Variants in PCDHA1 observed in about 807,000 individuals in gnomAD.
PCDHA1 encodes the protein protocadherin alpha-1.
In PCDHA1, 42 loss-of-function variants were observed where a neutral mutation model predicts 61.3. The ratio of observed to expected loss-of-function variants is 0.69; its 90% CI spans 0.54 to 0.89. PCDHA1 has a LOEUF of 0.89. Among genes scored for constraint, PCDHA1 ranks in the 40% least tolerant of loss-of-function variants. The probability of loss-of-function intolerance (pLI) is 0.00; values close to 1 mark genes in which losing one functional copy is unlikely to be tolerated. For synonymous variants in PCDHA1, 610 were observed against 553.8 expected (o/e 1.10, Z -1.43); for missense variants, 1,256 against 1,235.3 (o/e 1.02, Z -0.25).
chr5:140,898,737 G>T (rs2066951107), intron 1 of PCDHA1, among the ~76,000 whole-genome samples: 1 of 152,102 alleles, frequency 6.6e-6, no homozygotes, highest in African/African-American at 2.4e-5. Flanking sequence ...AAAGTCATTG[G>T]TAGCTTGATG....
intron 1 of PCDHA1, chr5:140,801,236 C>T: frequency 1.9e-6 from 3 of 1,612,882 alleles, no homozygotes; most frequent in Non-Finnish European, 2.5e-6. Context: ...GAGCCCAGTG[C>T]CTGCTGCTTT....
chr5:140,889,893 C>A (rs1275511475), intron 1 of PCDHA1, among the ~76,000 whole-genome samples: 2 of 152,158 alleles, frequency 1.3e-5, no homozygotes, highest in Admixed American at 1.3e-4. Flanking sequence ...AGAATTCTGA[C>A]TACCTTGAGA....
chr5:140,946,508 G>A (rs1352307719), intron 1 of PCDHA1, among the ~76,000 whole-genome samples: 3 of 151,202 alleles, frequency 2.0e-5, no homozygotes, highest in Non-Finnish European at 3.0e-5. Flanking sequence ...GTATGTCAAA[G>A]ACCTATCCGC....
chr5:140,968,574 T>A (rs2096256536), intron 1 of PCDHA1: 1 of 1,614,218 alleles, frequency 6.2e-7, no homozygotes, highest in Non-Finnish European at 8.5e-7. Flanking sequence ...GCTGGCTACC[T>A]GGTCACCAAA....
chr5:140,853,667 G>A lies in PCDHA1; in HGVS notation c.2394+64983G>A, dbSNP rs965344983. 2.4e-5 allele frequency: 24 copies of A among 988,242 alleles called. 2 individuals carry two copies. The highest frequency in any genetic ancestry group is 7.1e-5 in the African/African-American group (4 of 56,544). 61.2% of individuals were successfully genotyped at this position (988,242 alleles called of 1,614,324 possible). On this transcript the variant is annotated intron_variant, in intron 1 of 3. Transcript: ENST00000504120. ...TTGAGCCTGTTCCAGACAAATTGGG[G>A]CCTATGGTCAACCTATCCTTAGACC...
In PCDHA1 at chr5:140,787,650, G is replaced by A. The variant is rs1386641737; in HGVS notation, c.1360G>A (p.Ala454Thr). 6.2e-7 allele frequency: 1 copy of A among 1,613,936 alleles called. No homozygotes were observed. The highest frequency in any genetic ancestry group is 8.5e-7 in the Non-Finnish European group (1 of 1,179,974). ...GGCCGACGTGAATGACAACGCGCCTGCGTTCGCGCAGCCCGAGTACACAGT... is the reference window on the plus strand; with the variant it reads ...GGCCGACGTGAATGACAACGCGCCTACGTTCGCGCAGCCCGAGTACACAGT... ...EVADVNDNAP[A>T]FAQPEYTVFV... The change falls in exon 1 of 4, where the codon GCG becomes ACG. Residue 454 changes from alanine (A) to threonine (T), a missense_variant. Transcript: ENST00000504120.
intron 1 of PCDHA1, chr5:140,968,218 A>C (rs1586280879): frequency 6.2e-7 from 1 of 1,614,012 alleles, no homozygotes. Flanking sequence ...ACAATTTGCC[A>C]GGTGTGTTGC....
intron 1 of PCDHA1, among the ~76,000 whole-genome samples, chr5:140,838,075 A>AGTGTGTGTGTGTGTG (rs781914509): frequency 1.6e-5 from 2 of 128,136 alleles, no homozygotes; most frequent in South Asian, 5.3e-4. Context: ...TTATATATAT[A>AGTGTGTGTGTGTGTG]TAGTGTGTGT....
At chr5:140,919,674 G>C (rs1554199207) in intron 1 of PCDHA1, among the ~76,000 whole-genome samples, 1 of 151,886 alleles carries the variant, frequency 6.6e-6, no homozygotes, top group Non-Finnish European at 1.5e-5. Context: ...TTAGCTTATT[G>C]GTATCTGCTT....
chr5:140,966,924 C>T (rs1554228895), intron 1 of PCDHA1: 2 of 1,602,624 alleles, frequency 1.2e-6, no homozygotes, highest in Admixed American at 1.7e-5. Context: ...GAGGAGCAGG[C>T]ACCCGGCGCG....
In PCDHA1 at chr5:140,843,150, A is replaced by T; in HGVS notation, c.2394+54466A>T. Reference sequence around the variant, plus strand: ...GGCTACAACGCGTGGCTTTCGTATGAGCTGCAGCCAGCTGCAAGCAGCCCT... The same window carrying T: ...GGCTACAACGCGTGGCTTTCGTATGTGCTGCAGCCAGCTGCAAGCAGCCCT... On this transcript the variant is annotated intron_variant, in intron 1 of 3. Transcript: ENST00000504120. 1.3e-6 allele frequency: 2 copies of T among 1,595,990 alleles called. 1 individual carries two copies. Among genetic ancestry groups the T allele is most frequent in the Non-Finnish European group, 1.7e-6 (2 of 1,165,576 alleles).
chr5:140,824,500 A>C, intron 1 of PCDHA1: 1 of 320,040 alleles, frequency 3.1e-6, no homozygotes, highest in Non-Finnish European at 5.7e-6. Flanking sequence ...TTTGTTGCTT[A>C]GTCTGCAGTG....
At chr5:140,801,988 T>C in intron 1 of PCDHA1, 2 of 1,614,200 alleles carry the variant, frequency 1.2e-6, no homozygotes, top group Non-Finnish European at 1.7e-6. Flanking sequence ...GTGGTGACCG[T>C]TAACGCCACC....
In PCDHA1 at chr5:140,829,912, T is replaced by C. The variant is rs145708741; in HGVS notation, c.2394+41228T>C. ...CCGACTCAGGCTACAACGCGTGGCT[T>C]TCGTATGAGCTGCAGCCCCCGGCAA... On this transcript the variant is annotated intron_variant, in intron 1 of 3. Coordinates refer to ENST00000504120, the MANE Select transcript of PCDHA1 (RefSeq NM_018900.4). 24 of 1,613,880 alleles carry C rather than the reference T, an allele frequency of 1.5e-5. No individual in the cohort carries two copies. In the African/African-American group the frequency reaches 3.1e-4, roughly 21 times the overall value.
intron 1 of PCDHA1, chr5:140,830,224 G>A (rs2150182996): frequency 6.2e-7 from 1 of 1,613,900 alleles, no homozygotes; most frequent in Non-Finnish European, 8.5e-7. Flanking sequence ...CCAGCCTGCT[G>A]GTCCTCACGC....
At chr5:140,952,301 T>C (rs246036) in intron 1 of PCDHA1, among the ~76,000 whole-genome samples, 3 of 149,380 alleles carry the variant, frequency 2.0e-5, no homozygotes. Flanking sequence ...CACAGCCATT[T>C]CACTCCAGCC....
At chr5:140,839,920 T>G (rs1182223530) in intron 1 of PCDHA1, among the ~76,000 whole-genome samples, 1 of 151,984 alleles carries the variant, frequency 6.6e-6, no homozygotes, top group Non-Finnish European at 1.5e-5. Context: ...AGAAAAACCT[T>G]GAACAAAGAG....
At chr5:140,875,590 A>G (rs1554167782) in intron 1 of PCDHA1, 4 of 1,613,992 alleles carry the variant, frequency 2.5e-6, no homozygotes, top group Non-Finnish European at 3.4e-6. Flanking sequence ...CGAGGAGGCC[A>G]AACACGGCAC....
At chr5:140,889,745 T>G (rs1295441616) in intron 1 of PCDHA1, among the ~76,000 whole-genome samples, 2 of 152,202 alleles carry the variant, frequency 1.3e-5, no homozygotes, top group Non-Finnish European at 2.9e-5. Flanking sequence ...CAGAGTCTAA[T>G]TTTTCTTTCC....
Sources: allele counts gnomAD v4.1 joint callset (sites outside exome capture counted in the v4.1 genomes callset), GRCh38; gene constraint gnomAD v4.1.1; transcripts MANE v1.5; gene names NCBI Gene and HGNC (gene_info 2026-07-23, HGNC 2026-07-21).